LSAMP: variants seen among roughly 807,000 people sequenced by gnomAD.
LSAMP encodes the protein limbic system associated membrane protein.
LSAMP carries 7 observed loss-of-function variants against 38.6 expected under a neutral mutation model. That is an observed-to-expected ratio of 0.18 (90% CI 0.10 to 0.34). LSAMP has a LOEUF of 0.34. Among genes scored for constraint, LSAMP ranks in the 10% least tolerant of loss-of-function variants. The pLI is 1.00. For missense variants in LSAMP, 313 were observed against 420.0 expected (o/e 0.75, Z 2.23); for synonymous variants, 154 against 166.8 (o/e 0.92, Z 0.59).
intron 1 of LSAMP, among the ~76,000 whole-genome samples, chr3:116,423,934 A>T (rs1279923988): frequency 1.3e-5 from 2 of 152,352 alleles, no homozygotes; most frequent in Non-Finnish European, 2.9e-5. Flanking sequence ...AGTATTTTTT[A>T]AAAAATTTAA....
At chr3:116,242,101 C>T (rs557267969) in intron 1 of LSAMP, among the ~76,000 whole-genome samples, 34 of 152,308 alleles carry the variant, frequency 2.2e-4, no homozygotes, top group African/African-American at 6.5e-4. Context: ...TGCTCTGTAG[C>T]TTCTATCTCT....
chr3:116,083,551 C>G (rs1340189399), intron 2 of LSAMP, among the ~76,000 whole-genome samples: 1 of 152,186 alleles, frequency 6.6e-6, no homozygotes, highest in African/African-American at 2.4e-5. Flanking sequence ...TTGGTGATAT[C>G]TCATAGCACC....
chr3:115,951,232 C>T (rs144841802), intron 3 of LSAMP, among the ~76,000 whole-genome samples: 4,090 of 152,146 alleles, frequency 0.027, 80 homozygotes, highest in South Asian at 0.071. Context: ...TCATAACCAA[C>T]ACTACAAAGG....
chr3:116,006,583 G>A (rs1238475539), intron 3 of LSAMP, among the ~76,000 whole-genome samples: 3 of 152,122 alleles, frequency 2.0e-5, no homozygotes, highest in African/African-American at 7.2e-5. Flanking sequence ...AATAGAAAAT[G>A]TTTATCTCTG....
chr3:116,371,305 A>T (rs980849145), intron 1 of LSAMP, among the ~76,000 whole-genome samples: 2 of 152,200 alleles, frequency 1.3e-5, no homozygotes, highest in African/African-American at 2.4e-5. Context: ...TTAACAAAAT[A>T]CTGTAAAACT....
At chr3:116,177,970 T>C (rs991410190) in intron 1 of LSAMP, among the ~76,000 whole-genome samples, 1 of 152,130 alleles carries the variant, frequency 6.6e-6, no homozygotes, top group Non-Finnish European at 1.5e-5. Context: ...GTTAAATCAA[T>C]GGGCAGTCTT....
intron 2 of LSAMP, among the ~76,000 whole-genome samples, chr3:116,062,215 G>T (rs1941605963): frequency 6.6e-6 from 1 of 152,192 alleles, no homozygotes; most frequent in South Asian, 2.1e-4. Flanking sequence ...TTTATACTCA[G>T]TGTGAAATCC....
chr3:115,991,575 A>G (rs1445504564), intron 3 of LSAMP, among the ~76,000 whole-genome samples: 1 of 152,118 alleles, frequency 6.6e-6, no homozygotes, highest in Non-Finnish European at 1.5e-5. Context: ...TCATGAACAC[A>G]AGGTGGAATG....
At chr3:116,048,717 G>T (rs1169007294) in intron 2 of LSAMP, among the ~76,000 whole-genome samples, 1 of 152,084 alleles carries the variant, frequency 6.6e-6, no homozygotes, top group Non-Finnish European at 1.5e-5. Flanking sequence ...TTTAAACAGG[G>T]TCTTATCATC....
chr3:116,299,541 A>T (rs2047379853), intron 1 of LSAMP, among the ~76,000 whole-genome samples: 1 of 152,216 alleles, frequency 6.6e-6, no homozygotes, highest in South Asian at 2.1e-4. Flanking sequence ...ATAGCAATAC[A>T]AATATAAATT....
intron 1 of LSAMP, among the ~76,000 whole-genome samples, chr3:116,353,704 AT>A (rs1269513468): frequency 6.6e-6 from 1 of 152,132 alleles, no homozygotes. Context: ...GGGATATTAT[AT>A]AATAAAATCA....
chr3:115,859,657 C>A (rs1239221041), intron 3 of LSAMP, among the ~76,000 whole-genome samples: 1 of 152,202 alleles, frequency 6.6e-6, no homozygotes, highest in African/African-American at 2.4e-5. Flanking sequence ...GGAAGATTCA[C>A]AACTGGCTTT....
chr3:116,046,575 C>G (rs1415505738), intron 2 of LSAMP, among the ~76,000 whole-genome samples: 4 of 152,132 alleles, frequency 2.6e-5, no homozygotes, highest in African/African-American at 9.7e-5. Flanking sequence ...AGCTCAAAGG[C>G]CCTGGTTTTG....
At chr3:116,177,214 A>G (rs1379584575) in intron 1 of LSAMP, among the ~76,000 whole-genome samples, 4 of 152,090 alleles carry the variant, frequency 2.6e-5, no homozygotes, top group Admixed American at 2.0e-4. Flanking sequence ...GGCTTTATAT[A>G]ACACTGATTA....
At chr3:115,858,162 T>A (rs780923281) in intron 3 of LSAMP, among the ~76,000 whole-genome samples, 97 of 139,220 alleles carry the variant, frequency 7.0e-4, no homozygotes, top group Middle Eastern at 3.8e-3. Flanking sequence ...TCTCTCTCTC[T>A]CTCACACACA....
chr3:116,019,735 C>G, intron 2 of LSAMP, 95 bp from the exon 3 acceptor site: 1 of 1,348,236 alleles, frequency 7.4e-7, no homozygotes, highest in Non-Finnish European at 1.0e-6. Context: ...GGTTTTATAA[C>G]TTAATTTGAA....
At chr3:116,027,137 C>T (rs1282108905) in intron 2 of LSAMP, among the ~76,000 whole-genome samples, 1 of 152,046 alleles carries the variant, frequency 6.6e-6, no homozygotes, top group Non-Finnish European at 1.5e-5. Context: ...ACTGGGCATC[C>T]TTTATTTTTA....
At chr3:115,982,018 T>A (rs1939374599) in intron 3 of LSAMP, among the ~76,000 whole-genome samples, 1 of 152,218 alleles carries the variant, frequency 6.6e-6, no homozygotes, top group Admixed American at 6.6e-5. Context: ...CTTGTATGCT[T>A]CTTGGTCAAA....
At chr3:116,078,243 TA>T (rs1245125558) in intron 2 of LSAMP, among the ~76,000 whole-genome samples, 4 of 151,836 alleles carry the variant, frequency 2.6e-5, no homozygotes, top group African/African-American at 9.7e-5. Flanking sequence ...TTCTATTAGT[TA>T]GCATTCTATA....
Sources: allele counts gnomAD v4.1 joint callset (sites outside exome capture counted in the v4.1 genomes callset), GRCh38; gene constraint gnomAD v4.1.1; transcripts MANE v1.5; gene names NCBI Gene and HGNC (gene_info 2026-07-23, HGNC 2026-07-21).